Variants in CAMTA1 observed in about 807,000 individuals in gnomAD.
The protein encoded by CAMTA1 is calmodulin binding transcription activator 1.
Under a neutral mutation model 170.9 loss-of-function variants are expected in CAMTA1, and 27 were observed. The observed-to-expected ratio is 0.16, with a 90% CI of 0.12 to 0.22. The LOEUF (loss-of-function observed/expected upper bound fraction) is 0.22. Ranked by LOEUF, CAMTA1 falls within the 10% of genes least tolerant of loss-of-function variation. CAMTA1 has a pLI of 1.00. For synonymous variants in CAMTA1, 833 were observed against 891.5 expected (o/e 0.93, Z 1.17); for missense variants, 1,619 against 2,217.2 (o/e 0.73, Z 5.42).
intron 4 of CAMTA1, among the ~76,000 whole-genome samples, chr1:7,129,709 A>G (rs192370168): frequency 6.6e-6 from 1 of 152,332 alleles, no homozygotes; most frequent in East Asian, 1.9e-4. Context: ...ACATCTGTAT[A>G]TATTCATGAA....
At chr1:6,968,714 A>G (rs1229848197) in intron 3 of CAMTA1, among the ~76,000 whole-genome samples, 6 of 151,814 alleles carry the variant, frequency 4.0e-5, no homozygotes, top group African/African-American at 1.5e-4. Context: ...AGCAAGTGCT[A>G]TCTAAGTGGA....
chr1:7,145,102 C>T (rs1573427223), intron 4 of CAMTA1, among the ~76,000 whole-genome samples: 1 of 152,128 alleles, frequency 6.6e-6, no homozygotes, highest in Admixed American at 6.6e-5. Context: ...TTTCAGGGGA[C>T]GAGGGGCAGA....
chr1:7,394,202 T>C (rs2089036457), intron 5 of CAMTA1, among the ~76,000 whole-genome samples: 1 of 152,248 alleles, frequency 6.6e-6, no homozygotes, highest in Non-Finnish European at 1.5e-5. Flanking sequence ...TGGATGTATA[T>C]ATTCAGTAGT....
intron 3 of CAMTA1, among the ~76,000 whole-genome samples, chr1:7,069,091 G>A (rs925855078): frequency 6.6e-6 from 1 of 152,112 alleles, no homozygotes; most frequent in Non-Finnish European, 1.5e-5. Flanking sequence ...CTGGGCCCCC[G>A]GTATCCTAGG....
At chr1:7,276,293 A>ATTTTTTTTTTTTTTTTTT (rs1372402055) in intron 5 of CAMTA1, among the ~76,000 whole-genome samples, 2 of 22,058 alleles carry the variant, frequency 9.1e-5, no homozygotes, top group Non-Finnish European at 1.3e-4. Context: ...ATATATATAT[A>ATTTTTTTTTTTTTTTTTT]TATATATATA....
At chr1:6,933,618 T>C (rs931545984) in intron 3 of CAMTA1, among the ~76,000 whole-genome samples, 2 of 152,182 alleles carry the variant, frequency 1.3e-5, no homozygotes, top group African/African-American at 4.8e-5. Context: ...CTATAGTCTA[T>C]TTTCAGTTAA....
At chr1:6,905,341 G>C (rs750625181) in intron 3 of CAMTA1, among the ~76,000 whole-genome samples, 3 of 151,956 alleles carry the variant, frequency 2.0e-5, no homozygotes, top group Non-Finnish European at 2.9e-5. Context: ...TTATAGGTGT[G>C]CGCAACCACA....
At chr1:7,269,814 G>T (rs1217900155) in intron 5 of CAMTA1, among the ~76,000 whole-genome samples, 1 of 152,160 alleles carries the variant, frequency 6.6e-6, no homozygotes. Flanking sequence ...TTGAAGAACA[G>T]GTGGTCAAGA....
At chr1:7,670,243 C>T (rs1247109126) in intron 9 of CAMTA1, among the ~76,000 whole-genome samples, 1 of 152,160 alleles carries the variant, frequency 6.6e-6, no homozygotes, top group Admixed American at 6.5e-5. Flanking sequence ...GATGCTCAGC[C>T]CCGTTCCACT....
chr1:7,001,602 T>A (rs1698211721), intron 3 of CAMTA1, among the ~76,000 whole-genome samples: 1 of 152,162 alleles, frequency 6.6e-6, no homozygotes, highest in Non-Finnish European at 1.5e-5. Flanking sequence ...GTGGTCTCCC[T>A]AGGATGTCTC....
intron 3 of CAMTA1, among the ~76,000 whole-genome samples, chr1:6,857,411 AAG>A (rs1401170694): frequency 1.3e-5 from 2 of 152,234 alleles, no homozygotes; most frequent in African/African-American, 4.8e-5. Context: ...TCAATTAAAA[AAG>A]TAAAATAAGT....
intron 4 of CAMTA1, among the ~76,000 whole-genome samples, chr1:7,125,871 G>A (rs1644904102): frequency 1.3e-5 from 2 of 152,140 alleles, no homozygotes; most frequent in East Asian, 1.9e-4. Flanking sequence ...AAGCCTCAAA[G>A]CCCCAACGCC....
chr1:7,618,315 C>T (rs2095573762), intron 6 of CAMTA1, among the ~76,000 whole-genome samples: 1 of 152,230 alleles, frequency 6.6e-6, no homozygotes, highest in South Asian at 2.1e-4. Flanking sequence ...CCAGATTCCA[C>T]CCTGTGCCAA....
intron 1 of CAMTA1, among the ~76,000 whole-genome samples, chr1:6,790,833 GATA>G (rs1244439170): frequency 6.6e-6 from 1 of 152,090 alleles, no homozygotes; most frequent in Non-Finnish European, 1.5e-5. Context: ...TATAAATAAT[GATA>G]ATAATAAAAA....
At chr1:7,487,496 GTGTT>G (rs2093633619) in intron 6 of CAMTA1, among the ~76,000 whole-genome samples, 1 of 152,370 alleles carries the variant, frequency 6.6e-6, no homozygotes, top group South Asian at 2.1e-4. Context: ...TGATGGCTGA[GTGTT>G]TGGGCACCTC....
At chr1:7,408,983 A>G (rs945697972) in intron 5 of CAMTA1, among the ~76,000 whole-genome samples, 17 of 151,822 alleles carry the variant, frequency 1.1e-4, no homozygotes, top group African/African-American at 4.1e-4. Flanking sequence ...GCTCCAGAAC[A>G]CTCCTCCTGT....
rs139445472 is a variant in CAMTA1, at chr1:6,841,714, T to G, written c.234+16504T>G. 2.3e-3 allele frequency among the ~76,000 whole-genome samples: 344 copies of G among 152,258 alleles called. 3 individuals are homozygous for G. Among genetic ancestry groups the G allele is most frequent in the African/African-American group, 7.9e-3 (329 of 41,550 alleles). ...GACTGCTGGAAGGAAGGGGCATTAG[T>G]GTAGTGTCTACTGGAAGAGATTAAC... On this transcript the variant is annotated intron_variant, in intron 3 of 22. Transcript: ENST00000303635.
At position 7,736,397 on chromosome 1, in the gene CAMTA1, G is replaced by A; in HGVS notation, c.3120G>A (p.Val1040=). The stretch of plus-strand genomic sequence containing the variant: ...GCTGCTTTGAGAGCCGTGTGGTCGT[G>A]GTATGCGAGAAGATGATGAGCCGAG... ...LGSCFESRVV[V]VCEKMMSRAC... Residue 1040 remains valine (V), a synonymous_variant, in exon 13 of 23, where the codon GTG becomes GTA. Transcript: ENST00000303635. The surrounding 1 kb of genome is among the most constrained non-coding windows in gnomAD (Gnocchi z 4.5). 1 of 1,614,038 alleles carries A rather than the reference G, an allele frequency of 6.2e-7. No homozygotes were observed. The highest frequency in any genetic ancestry group is 8.5e-7 in the Non-Finnish European group (1 of 1,180,016).
At chr1:6,957,907 C>T (rs756178714) in intron 3 of CAMTA1, among the ~76,000 whole-genome samples, 5 of 152,174 alleles carry the variant, frequency 3.3e-5, no homozygotes, top group African/African-American at 4.8e-5. Flanking sequence ...AAGGATCAGA[C>T]GTGAGGAAGC....
Sources: allele counts gnomAD v4.1 joint callset (sites outside exome capture counted in the v4.1 genomes callset), GRCh38; gene constraint gnomAD v4.1.1; non-coding constraint Gnocchi (gnomAD v3.1); transcripts MANE v1.5; gene names NCBI Gene and HGNC (gene_info 2026-07-23, HGNC 2026-07-21).